Variants in HS6ST1 observed in about 807,000 individuals in gnomAD.
The protein encoded by HS6ST1 is heparan-sulfate 6-O-sulfotransferase 1.
In HS6ST1, 3 loss-of-function variants were observed where a neutral mutation model predicts 25.2. That is an observed-to-expected ratio of 0.12 (90% CI 0.05 to 0.31). HS6ST1 has a LOEUF of 0.31. Ranked by LOEUF, HS6ST1 falls within the 10% of genes least tolerant of loss-of-function variation. HS6ST1 has a pLI of 1.00. For synonymous variants in HS6ST1, 204 were observed against 275.1 expected, an observed-to-expected ratio of 0.74 and a Z score of 2.56; for missense variants, 310 against 609.6, an observed-to-expected ratio of 0.51 and a Z score of 5.18.
rs1693793479 is a variant in HS6ST1, at chr2:128,281,733, A to G, written c.528-12863T>C. On this transcript the variant is annotated intron_variant, in intron 1 of 1. Coordinates refer to ENST00000259241, the MANE Select transcript of HS6ST1 (RefSeq NM_004807.3). Reference sequence around the variant, plus strand: ...ACCTAATCCATCTATTCAGGGAGATACACCAGGGACCTGAATGAGATGACA... The same window carrying G: ...ACCTAATCCATCTATTCAGGGAGATGCACCAGGGACCTGAATGAGATGACA... Among the ~76,000 whole-genome samples, 4 of 152,212 alleles carry G rather than the reference A, an allele frequency of 2.6e-5. No homozygotes were observed. In the South Asian group the frequency reaches 8.3e-4, roughly 31 times the overall value.
intron 1 of HS6ST1, among the ~76,000 whole-genome samples, chr2:128,294,210 C>T (rs1043331187): frequency 5.3e-5 from 8 of 152,358 alleles, no homozygotes; most frequent in East Asian, 3.9e-4. Flanking sequence ...CTGTCATACA[C>T]GCCCTGTGCC....
At chr2:128,281,716 C>G (rs1184653669) in intron 1 of HS6ST1, among the ~76,000 whole-genome samples, 1 of 152,166 alleles carries the variant, frequency 6.6e-6, no homozygotes. Context: ...GAACCTAATC[C>G]ATCTATTCAG....
chr2:128,317,997 G>A, intron 1 of HS6ST1, 40 bp downstream of exon 1: 2 of 1,410,610 alleles, frequency 1.4e-6, no homozygotes, highest in Non-Finnish European at 1.8e-6. Context: ...CCGGCCTCGG[G>A]GGCGCAGCTG....
chr2:128,318,411 G>T lies in HS6ST1; in HGVS notation c.153C>A (p.Pro51=), dbSNP rs776047646. 38 of 1,603,104 alleles carry T rather than the reference G, an allele frequency of 2.4e-5. No homozygotes were observed. Among genetic ancestry groups the T allele is most frequent in the Non-Finnish European group, 3.1e-5 (37 of 1,175,910 alleles). The part of the protein sequence containing the change: ...SLGAPGGRAP[P]DDLDLFPTPD... ...GTGTGGGGAACAGGTCCAGGTCGTC[G>T]GGCGGCGCGCGGCCGCCGGGCGCGC... The change falls in exon 1 of 2, where the codon CCC becomes CCA. Residue 51 remains proline, a synonymous_variant. Transcript: ENST00000259241. This position sits in a 1 kb window ranked among gnomAD's most constrained non-coding sequence, Gnocchi z 5.7.
intron 1 of HS6ST1, among the ~76,000 whole-genome samples, chr2:128,316,836 G>C (rs1406985705): frequency 6.6e-6 from 1 of 152,078 alleles, no homozygotes; most frequent in Non-Finnish European, 1.5e-5. Flanking sequence ...CTGTGCAGGG[G>C]AGCAGTGTCT....
Position 128,267,891 on chromosome 2 carries a change from AG to A in HS6ST1, c.*270del. The A allele has an allele frequency of 5.2e-6, 3 of 580,702 alleles. No homozygotes were observed. Among genetic ancestry groups the A allele is most frequent in the Non-Finnish European group, 9.2e-6 (3 of 325,980 alleles). The allele number at this position is 580,702 out of a possible 1,614,324, so 36.0% of individuals were successfully genotyped here. ...CCAAGGAGGCCAGGAGAGCAGCTCCAGGCACAACACCTGCTCTGGAGGCCCT... is the reference window on the plus strand; with the variant it reads ...CCAAGGAGGCCAGGAGAGCAGCTCCAGCACAACACCTGCTCTGGAGGCCCT... On this transcript the variant is annotated 3_prime_UTR_variant, in exon 2 of 2. Coordinates refer to ENST00000259241, the MANE Select transcript of HS6ST1 (RefSeq NM_004807.3).
chr2:128,315,206 T>G (rs1274953423), intron 1 of HS6ST1, among the ~76,000 whole-genome samples: 1 of 152,232 alleles, frequency 6.6e-6, no homozygotes, highest in East Asian at 1.9e-4. Flanking sequence ...CTCACTCTTG[T>G]TCCTTTCTAC....
At chr2:128,307,085 G>A (rs149846029) in intron 1 of HS6ST1, among the ~76,000 whole-genome samples, 1,641 of 152,142 alleles carry the variant, frequency 0.011, 12 homozygotes, top group Non-Finnish European at 0.019. Flanking sequence ...GGTTTTAGGC[G>A]GTTTTAGTTG....
intron 1 of HS6ST1, among the ~76,000 whole-genome samples, chr2:128,279,985 G>A (rs140966106): frequency 1.3e-5 from 2 of 152,306 alleles, no homozygotes; most frequent in South Asian, 2.1e-4. Flanking sequence ...GGCTCTCTCC[G>A]GAAAGCGACC....
chr2:128,295,168 G>A (rs1339939866), intron 1 of HS6ST1, among the ~76,000 whole-genome samples: 2 of 152,216 alleles, frequency 1.3e-5, no homozygotes, highest in Non-Finnish European at 2.9e-5. Context: ...GATGTTGCCG[G>A]CTGATGGCAC....
intron 1 of HS6ST1, among the ~76,000 whole-genome samples, chr2:128,316,090 AG>A (rs889566713): frequency 6.6e-6 from 1 of 152,212 alleles, no homozygotes; most frequent in African/African-American, 2.4e-5. Context: ...CTCCCTGGGC[AG>A]GGGGAGCCGG....
chr2:128,287,621 G>C (rs1693884698), intron 1 of HS6ST1, among the ~76,000 whole-genome samples: 1 of 152,210 alleles, frequency 6.6e-6, no homozygotes, highest in Non-Finnish European at 1.5e-5. Context: ...CGGGTCCAGG[G>C]GTGCTCTGCA....
chr2:128,295,002 GT>G (rs747088060), intron 1 of HS6ST1, among the ~76,000 whole-genome samples: 15 of 152,294 alleles, frequency 9.8e-5, no homozygotes, highest in Admixed American at 3.9e-4. Context: ...CCCCCTCTTG[GT>G]TTTCCTGTGT....
chr2:128,317,255 G>A (rs984525002), intron 1 of HS6ST1, among the ~76,000 whole-genome samples: 4 of 152,330 alleles, frequency 2.6e-5, no homozygotes, highest in Admixed American at 2.6e-4. Context: ...CTCTGACATG[G>A]GGCTGGGGGA....
At chr2:128,312,371 G>A (rs548633195) in intron 1 of HS6ST1, among the ~76,000 whole-genome samples, 1 of 152,226 alleles carries the variant, frequency 6.6e-6, no homozygotes, top group African/African-American at 2.4e-5. Flanking sequence ...ACTTGTCTTG[G>A]GGGAGTGTTG....
intron 1 of HS6ST1, among the ~76,000 whole-genome samples, chr2:128,302,837 CTT>C (rs1694153748): frequency 6.6e-6 from 1 of 152,258 alleles, no homozygotes; most frequent in Non-Finnish European, 1.5e-5. Flanking sequence ...CCCAAGGCCT[CTT>C]TTGGGAAGAC....
intron 1 of HS6ST1, among the ~76,000 whole-genome samples, chr2:128,299,308 C>T (rs560546824): frequency 6.6e-6 from 1 of 152,368 alleles, no homozygotes; most frequent in South Asian, 2.1e-4. Context: ...CAGCTGCACC[C>T]TTGGACACAG....
chr2:128,315,603 T>C (rs1694349771), intron 1 of HS6ST1, among the ~76,000 whole-genome samples: 1 of 152,126 alleles, frequency 6.6e-6, no homozygotes, highest in Non-Finnish European at 1.5e-5. Flanking sequence ...CCACTTAACA[T>C]GAGGCACCCC....
intron 1 of HS6ST1, among the ~76,000 whole-genome samples, chr2:128,269,267 C>T (rs1693573886): frequency 1.3e-5 from 2 of 152,206 alleles, no homozygotes; most frequent in Admixed American, 6.5e-5. Flanking sequence ...TCAGCAGGAA[C>T]AGAAGGTGGG....
Sources: gnomAD v4.1 joint callset for allele counts (sites outside exome capture counted in the v4.1 genomes callset) on GRCh38, gnomAD v4.1.1 for gene constraint, Gnocchi (gnomAD v3.1) non-coding constraint, MANE v1.5 for transcripts, NCBI Gene and HGNC (gene_info 2026-07-23, HGNC 2026-07-21) for gene names.